RIMBP2: variants seen among roughly 807,000 people sequenced by gnomAD.
RIMBP2 encodes RIMS-binding protein 2.
In RIMBP2, 48 loss-of-function variants were observed where a neutral mutation model predicts 118.6. That is an observed-to-expected ratio of 0.40 (90% CI 0.32 to 0.51). The LOEUF is 0.51. RIMBP2 is among the 20% of genes least tolerant of loss of function. The probability of loss-of-function intolerance (pLI) is 0.41; values close to 1 mark genes in which losing one functional copy is unlikely to be tolerated. For synonymous variants in RIMBP2, 762 were observed against 742.9 expected (o/e 1.03, Z -0.42); for missense variants, 1,551 against 1,768.3 (o/e 0.88, Z 2.20).
At chr12:130,445,054 A>G (rs7952756) in intron 10 of RIMBP2, 106 bp downstream of exon 10, 369,263 of 678,760 alleles carry the variant, frequency 0.54, 102,931 homozygotes, top group East Asian at 0.73. Context: ...CTGGGTGGCC[A>G]GGAGTATGTT....
At chr12:130,409,966 C>T (rs929491066) in intron 19 of RIMBP2, among the ~76,000 whole-genome samples, 1 of 152,302 alleles carries the variant, frequency 6.6e-6, no homozygotes. Context: ...TACAAGAAAC[C>T]AGCGAACTGT....
At chr12:130,495,295 A>C (rs1468234805) in intron 4 of RIMBP2, among the ~76,000 whole-genome samples, 1 of 152,164 alleles carries the variant, frequency 6.6e-6, no homozygotes, top group Non-Finnish European at 1.5e-5. Flanking sequence ...GCCCCAGACC[A>C]AGCCATCAGC....
intron 2 of RIMBP2, among the ~76,000 whole-genome samples, chr12:130,614,122 G>T (rs1030071070): frequency 6.6e-6 from 1 of 152,154 alleles, no homozygotes; most frequent in Non-Finnish European, 1.5e-5. Context: ...TTTATGTTTC[G>T]GTAGCACTTC....
Position 130,526,393 on chromosome 12 carries a change from C to T in RIMBP2, c.-216-8476G>A, listed in dbSNP as rs559384838. ...CTCGATGAAAGCCAGATGACTTCTACAGGCTCAGGCATCAAAGATCTTGCA... is the reference window on the plus strand; with the variant it reads ...CTCGATGAAAGCCAGATGACTTCTATAGGCTCAGGCATCAAAGATCTTGCA... On this transcript the variant is annotated intron_variant, in intron 2 of 22. Transcript: ENST00000690449. Among the ~76,000 whole-genome samples, 3 of 152,288 alleles carry T rather than the reference C, an allele frequency of 2.0e-5. No homozygotes were observed. In the South Asian group the frequency reaches 6.2e-4, roughly 32 times the overall value.
chr12:130,606,158 G>A (rs2060171978), intron 2 of RIMBP2, among the ~76,000 whole-genome samples: 1 of 152,146 alleles, frequency 6.6e-6, no homozygotes, highest in Non-Finnish European at 1.5e-5. Flanking sequence ...ATAACAACTG[G>A]AAGTAAATAT....
chr12:130,515,025 G>C (rs918097510), intron 3 of RIMBP2, among the ~76,000 whole-genome samples: 2 of 151,804 alleles, frequency 1.3e-5, no homozygotes, highest in Non-Finnish European at 2.9e-5. Flanking sequence ...TACAGGCACC[G>C]GCCACCACGC....
chr12:130,696,046 G>A (rs941385874), intron 1 of RIMBP2, among the ~76,000 whole-genome samples: 1 of 152,180 alleles, frequency 6.6e-6, no homozygotes, highest in Non-Finnish European at 1.5e-5. Context: ...GTCACCAAGG[G>A]GAGATGCTAC....
intron 3 of RIMBP2, among the ~76,000 whole-genome samples, chr12:130,509,144 G>A (rs1164451007): frequency 6.6e-6 from 1 of 152,254 alleles, no homozygotes; most frequent in Non-Finnish European, 1.5e-5. Flanking sequence ...GGCCTGGGAA[G>A]CAGGATTTGG....
intron 3 of RIMBP2, among the ~76,000 whole-genome samples, chr12:130,508,439 C>G (rs2050573884): frequency 6.6e-6 from 1 of 151,980 alleles, no homozygotes; most frequent in Non-Finnish European, 1.5e-5. Flanking sequence ...TTAAACAGGT[C>G]AAGCTTCTTC....
chr12:130,462,469 G>C (rs2080088475), intron 6 of RIMBP2, among the ~76,000 whole-genome samples: 1 of 152,204 alleles, frequency 6.6e-6, no homozygotes, highest in South Asian at 2.1e-4. Flanking sequence ...GTGACCATAA[G>C]CATAAGGGAT....
At chr12:130,472,280 A>G (rs575316222) in intron 5 of RIMBP2, 4 of 152,318 alleles carry the variant, frequency 2.6e-5, no homozygotes, top group African/African-American at 9.6e-5. Context: ...CGTCATCGTC[A>G]ACTGTGAAAG....
chr12:130,549,358 C>A (rs1009064839), intron 2 of RIMBP2, among the ~76,000 whole-genome samples: 2 of 152,160 alleles, frequency 1.3e-5, no homozygotes, highest in Admixed American at 6.5e-5. Context: ...ATAAAACAGT[C>A]CAGTGTTTTT....
chr12:130,606,930 C>A (rs1263941782), intron 2 of RIMBP2, among the ~76,000 whole-genome samples: 2 of 152,176 alleles, frequency 1.3e-5, no homozygotes, highest in Admixed American at 1.3e-4. Flanking sequence ...CTCCCGGGTT[C>A]AAGCAATTCT....
At chr12:130,535,556 T>C (rs777461905) in intron 2 of RIMBP2, among the ~76,000 whole-genome samples, 6 of 151,724 alleles carry the variant, frequency 4.0e-5, no homozygotes, top group Non-Finnish European at 5.9e-5. Flanking sequence ...GCACAAGTAC[T>C]AATCTAAGCA....
intron 8 of RIMBP2, 107 bp downstream of exon 8, chr12:130,451,088 A>G (rs2078966643): frequency 1.6e-6 from 2 of 1,277,776 alleles, no homozygotes; most frequent in African/African-American, 2.9e-5. Flanking sequence ...ACCAGAAGGA[A>G]GACAGGGAGG....
intron 17 of RIMBP2, among the ~76,000 whole-genome samples, chr12:130,416,717 A>G (rs528251610): frequency 6.6e-6 from 1 of 152,322 alleles, no homozygotes; most frequent in African/African-American, 2.4e-5. Context: ...ACAAAAATTA[A>G]CATGCATGAC....
intron 2 of RIMBP2, among the ~76,000 whole-genome samples, chr12:130,571,721 T>G (rs575819571): frequency 3.3e-5 from 5 of 152,108 alleles, no homozygotes; most frequent in Non-Finnish European, 7.4e-5. Flanking sequence ...CCCACCCCAC[T>G]TGGGACAAAA....
intron 3 of RIMBP2, among the ~76,000 whole-genome samples, chr12:130,510,063 G>T (rs2050757244): frequency 6.6e-6 from 1 of 152,216 alleles, no homozygotes; most frequent in African/African-American, 2.4e-5. Flanking sequence ...CCTTCTAAGG[G>T]TCAGCATCCA....
chr12:130,503,333 T>C (rs1593554325), intron 4 of RIMBP2, among the ~76,000 whole-genome samples: 1 of 151,462 alleles, frequency 6.6e-6, no homozygotes, highest in Admixed American at 6.6e-5. Context: ...GAAGTGGAGG[T>C]TGCAGTGAGT....
Sources: gnomAD v4.1 joint callset for allele counts (sites outside exome capture counted in the v4.1 genomes callset) on GRCh38, gnomAD v4.1.1 for gene constraint, MANE v1.5 for transcripts, NCBI Gene and HGNC (gene_info 2026-07-23, HGNC 2026-07-21) for gene names.